Variants in CTTNBP2 observed in about 807,000 individuals in gnomAD.
CTTNBP2 encodes the protein cortactin-binding protein 2.
Under a neutral mutation model 156.9 loss-of-function variants are expected in CTTNBP2, and 108 were observed. The observed-to-expected ratio is 0.69, with a 90% CI of 0.59 to 0.81. CTTNBP2 has a LOEUF of 0.81. Ranked by LOEUF, CTTNBP2 falls within the 30% of genes least tolerant of loss-of-function variation. CTTNBP2 has a pLI of 0.00. For synonymous variants in CTTNBP2, 767 were observed against 751.8 expected (o/e 1.02, Z -0.33); for missense variants, 1,924 against 2,035.4 (o/e 0.95, Z 1.05).
intron 9 of CTTNBP2, among the ~76,000 whole-genome samples, chr7:117,763,339 G>A (rs913216435): frequency 6.6e-6 from 1 of 151,978 alleles, no homozygotes. Context: ...TTTTTCCACT[G>A]TCTTTCCATA....
At position 117,777,518 on chromosome 7, in the gene CTTNBP2, C is replaced by A; in HGVS notation, c.2771G>T (p.Gly924Val). ...AGCTGCTACCAGACACACCTTAAAACCTTTGGAAGCAGCAATGTGGGCAGC... is the reference window on the plus strand; with the variant it reads ...AGCTGCTACCAGACACACCTTAAAAACTTTGGAAGCAGCAATGTGGGCAGC... The part of the protein sequence containing the change: ...WTAAHIAASK[G>V]FKNCLEILCR... Residue 924 changes from glycine (G) to valine (V), a missense_variant, in exon 8 of 23, where the codon GGT (glycine) becomes GTT (valine). Transcript: ENST00000160373. 3.7e-6 allele frequency: 6 copies of A among 1,612,786 alleles called. No individual in the cohort carries two copies. The highest frequency in any genetic ancestry group is 2.2e-5 in the South Asian group (2 of 91,008).
At chr7:117,777,367 G>T in intron 8 of CTTNBP2, 144 bp downstream of exon 8, 1 of 809,060 alleles carries the variant, frequency 1.2e-6, no homozygotes, top group Non-Finnish European at 2.0e-6. Flanking sequence ...TAGGAATAAT[G>T]TCAATTTGTA....
At chr7:117,758,031 G>T in intron 10 of CTTNBP2, 61 bp from the exon 11 acceptor site, 1 of 1,214,118 alleles carries the variant, frequency 8.2e-7, no homozygotes, top group Non-Finnish European at 1.2e-6. Context: ...TTCTCACAAG[G>T]GTAAACATAT....
intron 1 of CTTNBP2, among the ~76,000 whole-genome samples, chr7:117,862,327 G>C (rs1020379754): frequency 6.6e-6 from 1 of 151,912 alleles, no homozygotes; most frequent in Admixed American, 6.6e-5. Flanking sequence ...TGGGGGGGCG[G>C]TGTGGTGGTT....
intron 1 of CTTNBP2, among the ~76,000 whole-genome samples, chr7:117,867,485 G>A (rs555697825): frequency 6.6e-6 from 1 of 151,928 alleles, no homozygotes; most frequent in African/African-American, 2.4e-5. Context: ...TACTAGATGT[G>A]TCAGGACAGT....
At chr7:117,832,698 A>G (rs1248491264) in intron 2 of CTTNBP2, among the ~76,000 whole-genome samples, 2 of 151,534 alleles carry the variant, frequency 1.3e-5, no homozygotes, top group Non-Finnish European at 2.9e-5. Flanking sequence ...AGAGACAGCA[A>G]ATGACTACCA....
intron 17 of CTTNBP2, 46 bp downstream of exon 17, chr7:117,728,043 C>T (rs368557988): frequency 3.9e-5 from 60 of 1,553,188 alleles, no homozygotes; most frequent in African/African-American, 5.4e-5. Flanking sequence ...TCTGAATTGG[C>T]CACGTCTCTA....
intron 8 of CTTNBP2, among the ~76,000 whole-genome samples, chr7:117,773,705 A>ACACACACC (rs1797932798): frequency 7.8e-6 from 1 of 127,550 alleles, no homozygotes; most frequent in Admixed American, 8.2e-5. Flanking sequence ...ACACACACAC[A>ACACACACC]CACCCCAAAA....
At chr7:117,785,359 TA>T (rs1798653897) in intron 4 of CTTNBP2, among the ~76,000 whole-genome samples, 1 of 152,220 alleles carries the variant, frequency 6.6e-6, no homozygotes, top group Non-Finnish European at 1.5e-5. Context: ...AACAGTAAAG[TA>T]AAAAATGTTC....
At chr7:117,760,846 A>G (rs1797171083) in intron 9 of CTTNBP2, 136 bp from the exon 10 acceptor site, 1 of 650,564 alleles carries the variant, frequency 1.5e-6, no homozygotes, top group South Asian at 2.1e-5. Flanking sequence ...AAATAACATT[A>G]CATTGAACGT....
Position 117,757,938 on chromosome 7 carries a change from C to G in CTTNBP2, c.3205G>C (p.Ala1069Pro), listed in dbSNP as rs112958702. Reference protein sequence around the residue: ...NVPWSVGQSFAQSPWDFMRKN... With the variant: ...NVPWSVGQSFPQSPWDFMRKN... ...CTCATAAAGTCCCACGGGGACTGCGCGAAGCTCTGACCCACTGACCACGGC... is the reference window on the plus strand; with the variant it reads ...CTCATAAAGTCCCACGGGGACTGCGGGAAGCTCTGACCCACTGACCACGGC... Residue 1069 changes from alanine (A) to proline (P), a missense_variant, in exon 11 of 23, where the codon GCG (alanine) becomes CCG (proline). Transcript: ENST00000160373. 2 of 1,613,378 alleles carry G rather than the reference C, an allele frequency of 1.2e-6. No homozygotes were observed. The highest frequency in any genetic ancestry group is 1.7e-6 in the Non-Finnish European group (2 of 1,179,792).
intron 17 of CTTNBP2, among the ~76,000 whole-genome samples, chr7:117,727,258 C>T (rs1795142943): frequency 6.6e-6 from 1 of 152,148 alleles, no homozygotes; most frequent in African/African-American, 2.4e-5. Flanking sequence ...GTGGCTTAAT[C>T]AAAGCTCACT....
intron 12 of CTTNBP2, among the ~76,000 whole-genome samples, chr7:117,750,774 A>G (rs1361139263): frequency 1.3e-5 from 2 of 152,216 alleles, no homozygotes; most frequent in Admixed American, 6.5e-5. Flanking sequence ...TAATGAATAT[A>G]TATACTCCAC....
rs368768466 is a variant in CTTNBP2 at position 117,810,957 on chromosome 7, C to A, written c.222G>T (p.Arg74=). 1.2e-6 allele frequency: 2 copies of A among 1,613,842 alleles called. No individual in the cohort carries two copies. The highest frequency in any genetic ancestry group is 3.3e-5 in the Admixed American group (2 of 59,978). The change falls in exon 3 of 23, where the codon CGG becomes CGT. Residue 74 remains arginine, a synonymous_variant. Transcript: ENST00000160373. ...GGTCATTTAGATTAAATCTCCCATA[C>A]CGTTCCTGGATAAATACCTCCTTCC... ...ARRKEVFIQE[R]YGRFNLNDPF...
chr7:117,758,404 G>T (rs1481459917), intron 10 of CTTNBP2, among the ~76,000 whole-genome samples: 1 of 149,948 alleles, frequency 6.7e-6, no homozygotes, highest in African/African-American at 2.5e-5. Flanking sequence ...CAAATTTTTA[G>T]ATTCCAGGAA....
intron 2 of CTTNBP2, among the ~76,000 whole-genome samples, chr7:117,825,037 CT>C (rs1801197197): frequency 1.3e-5 from 2 of 152,152 alleles, no homozygotes; most frequent in African/African-American, 4.8e-5. Flanking sequence ...CAGGTAGAAT[CT>C]TTCTGAATAT....
rs988748084 is a variant in CTTNBP2 at position 117,836,374 on chromosome 7, C to T, written c.189+24835G>A. Among the ~76,000 whole-genome samples, 6 of 152,176 alleles carry T rather than the reference C, an allele frequency of 3.9e-5. 1 individual carries two copies. Among genetic ancestry groups the T allele is most frequent in the African/African-American group, 1.4e-4 (6 of 41,444 alleles). On this transcript the variant is annotated intron_variant, in intron 2 of 22. Coordinates refer to ENST00000160373, the MANE Select transcript of CTTNBP2 (RefSeq NM_033427.3). Reference sequence around the variant, plus strand: ...GGTCAGGAGATCCAGAGCATCCTGGCTAACACGACGAAACCCTATCTCTAC... The same window carrying T: ...GGTCAGGAGATCCAGAGCATCCTGGTTAACACGACGAAACCCTATCTCTAC...
rs1269096048 is a variant in CTTNBP2 at position 117,861,284 on chromosome 7, T to A, written c.114A>T (p.Lys38Asn). ...KKEFDVDTLS[K>N]SELRMLLSVM... is the part of the protein sequence containing the mutation. The stretch of plus-strand genomic sequence containing the variant: ...CGCTGAGGAGCATCCGCAGCTCGGA[T>A]TTACTGAGAGTATCCACATCAAACT... The change falls in exon 2 of 23, where the codon AAA (lysine) becomes AAT (asparagine). Residue 38 changes from lysine to asparagine, a missense_variant. Coordinates refer to ENST00000160373, the MANE Select transcript of CTTNBP2 (RefSeq NM_033427.3). 6 of 1,613,574 alleles carry A rather than the reference T, an allele frequency of 3.7e-6. No individual in the cohort carries two copies. The highest frequency in any genetic ancestry group is 5.1e-6 in the Non-Finnish European group (6 of 1,179,812).
At chr7:117,805,236 T>C (rs1365463850) in intron 3 of CTTNBP2, among the ~76,000 whole-genome samples, 1 of 152,188 alleles carries the variant, frequency 6.6e-6, no homozygotes, top group Non-Finnish European at 1.5e-5. Context: ...TCTCTCAATC[T>C]TAAATGGCTT....
Sources: allele counts gnomAD v4.1 joint callset (sites outside exome capture counted in the v4.1 genomes callset), GRCh38; gene constraint gnomAD v4.1.1; transcripts MANE v1.5; gene names NCBI Gene and HGNC (gene_info 2026-07-23, HGNC 2026-07-21).